The following ZBTB7C variants were observed in gnomAD, a reference collection of about 807,000 sequenced individuals.
The protein encoded by ZBTB7C is zinc finger and BTB domain-containing protein 7C.
ZBTB7C carries 8 observed loss-of-function variants against 25.7 expected under a neutral mutation model. The ratio of observed to expected loss-of-function variants is 0.31; its 90% CI spans 0.18 to 0.56. ZBTB7C has a LOEUF of 0.56. Ranked by LOEUF, ZBTB7C falls within the 20% of genes least tolerant of loss-of-function variation. The pLI, the probability that ZBTB7C is intolerant of heterozygous loss-of-function variation, is 0.91. For missense variants in ZBTB7C, 824 were observed against 855.2 expected, an observed-to-expected ratio of 0.96 and a Z score of 0.46; for synonymous variants, 394 against 369.0, an observed-to-expected ratio of 1.07 and a Z score of -0.78.
At chr18:48,254,606 T>A (rs1477421076) in intron 2 of ZBTB7C, among the ~76,000 whole-genome samples, 1 of 152,216 alleles carries the variant, frequency 6.6e-6, no homozygotes, top group African/African-American at 2.4e-5. Flanking sequence ...TGTGTGTCCA[T>A]GTCATTAATC....
intron 4 of ZBTB7C, among the ~76,000 whole-genome samples, chr18:48,034,711 A>C (rs188241125): frequency 6.6e-6 from 1 of 152,028 alleles, no homozygotes; most frequent in South Asian, 2.1e-4. Flanking sequence ...CAAATCCAAC[A>C]TGCTCCCCTC....
intron 1 of ZBTB7C, among the ~76,000 whole-genome samples, chr18:48,351,271 G>A (rs148549324): frequency 3.3e-3 from 504 of 152,210 alleles, no homozygotes; most frequent in Non-Finnish European, 5.5e-3. Context: ...ATGAACCCAG[G>A]AAGCCCTTGA....
chr18:48,342,086 C>T lies in ZBTB7C; in HGVS notation c.-303-3688G>A, dbSNP rs569205281. Among the ~76,000 whole-genome samples, 18 of 152,354 alleles carry T rather than the reference C, an allele frequency of 1.2e-4. No homozygotes were observed. In the East Asian group the frequency reaches 3.5e-3, roughly 29 times the overall value. ...GGAGCTGGGACCCCTCCCCCGACATCATATTTCCCAGTCTAAGCCTTGTGA... is the reference window on the plus strand; with the variant it reads ...GGAGCTGGGACCCCTCCCCCGACATTATATTTCCCAGTCTAAGCCTTGTGA... On this transcript the variant is annotated intron_variant, in intron 1 of 4. Coordinates refer to ENST00000590800, the MANE Select transcript of ZBTB7C (RefSeq NM_001318841.2).
intron 1 of ZBTB7C, among the ~76,000 whole-genome samples, chr18:48,374,027 T>C (rs1056095133): frequency 1.3e-5 from 2 of 151,610 alleles, no homozygotes; most frequent in African/African-American, 4.8e-5. Context: ...GTTCTCACCA[T>C]GTGAAAAGTG....
chr18:48,370,219 T>C (rs907909951), intron 1 of ZBTB7C, among the ~76,000 whole-genome samples: 1 of 152,058 alleles, frequency 6.6e-6, no homozygotes, highest in Non-Finnish European at 1.5e-5. Context: ...CTACATACCA[T>C]GGAATACTAC....
chr18:48,215,972 G>T (rs2042813749), intron 2 of ZBTB7C, among the ~76,000 whole-genome samples: 1 of 152,170 alleles, frequency 6.6e-6, no homozygotes, highest in African/African-American at 2.4e-5. Context: ...AGTTTGTCTT[G>T]TCAGTCTTAA....
intron 3 of ZBTB7C, among the ~76,000 whole-genome samples, chr18:48,162,775 G>A (rs774805205): frequency 6.6e-6 from 1 of 152,202 alleles, no homozygotes; most frequent in South Asian, 2.1e-4. Context: ...TAATGTACAG[G>A]GAGTGCCCAG....
intron 4 of ZBTB7C, among the ~76,000 whole-genome samples, chr18:48,030,602 GTAT>G (rs1157133866): frequency 6.6e-6 from 1 of 152,218 alleles, no homozygotes; most frequent in Non-Finnish European, 1.5e-5. Flanking sequence ...GGTTTAAGTG[GTAT>G]TATTCACAGG....
At chr18:48,164,520 C>T (rs1397939113) in intron 3 of ZBTB7C, among the ~76,000 whole-genome samples, 1 of 152,228 alleles carries the variant, frequency 6.6e-6, no homozygotes, top group African/African-American at 2.4e-5. Flanking sequence ...TTCTGTCTCC[C>T]TGTCTACCCA....
At chr18:48,289,770 A>G (rs2045166104) in intron 2 of ZBTB7C, among the ~76,000 whole-genome samples, 1 of 152,146 alleles carries the variant, frequency 6.6e-6, no homozygotes, top group South Asian at 2.1e-4. Flanking sequence ...GCGCCCAGGT[A>G]CATGTCTGAG....
At chr18:48,394,691 T>C (rs1335622590) in intron 1 of ZBTB7C, among the ~76,000 whole-genome samples, 1 of 152,166 alleles carries the variant, frequency 6.6e-6, no homozygotes, top group Admixed American at 6.5e-5. Context: ...ATTACAAGGC[T>C]AATACATTAG....
At chr18:48,255,694 A>G (rs75069085) in intron 2 of ZBTB7C, among the ~76,000 whole-genome samples, 7,626 of 152,294 alleles carry the variant, frequency 0.05, 232 homozygotes, top group Middle Eastern at 0.099. Flanking sequence ...CCTTCTGTCT[A>G]TAAAGCCAAC....
intron 3 of ZBTB7C, among the ~76,000 whole-genome samples, chr18:48,127,401 T>C (rs1222855430): frequency 6.6e-6 from 1 of 152,226 alleles, no homozygotes; most frequent in Admixed American, 6.5e-5. Context: ...TGCCTGATTC[T>C]ACAGAATCTT....
intron 1 of ZBTB7C, among the ~76,000 whole-genome samples, chr18:48,370,007 C>T (rs2047348780): frequency 6.6e-6 from 1 of 152,084 alleles, no homozygotes; most frequent in Non-Finnish European, 1.5e-5. Flanking sequence ...TAAAACAAAC[C>T]TCAACGAATT....
intron 1 of ZBTB7C, among the ~76,000 whole-genome samples, chr18:48,355,494 G>T (rs938895670): frequency 2.0e-5 from 3 of 152,202 alleles, no homozygotes; most frequent in Non-Finnish European, 4.4e-5. Context: ...CATAAAGCCT[G>T]CTCTCCTTCC....
At chr18:48,317,778 CA>C (rs2045985091) in intron 2 of ZBTB7C, among the ~76,000 whole-genome samples, 1 of 152,162 alleles carries the variant, frequency 6.6e-6, no homozygotes, top group Non-Finnish European at 1.5e-5. Context: ...TCCTGGCTAA[CA>C]AAAAGGATCA....
chr18:48,075,001 C>T (rs2037705958), intron 3 of ZBTB7C, among the ~76,000 whole-genome samples: 1 of 152,194 alleles, frequency 6.6e-6, no homozygotes, highest in Non-Finnish European at 1.5e-5. Flanking sequence ...ATTGAACTCA[C>T]ATCTTTGCCA....
chr18:48,354,325 T>G (rs372601316), intron 1 of ZBTB7C, among the ~76,000 whole-genome samples: 2 of 152,080 alleles, frequency 1.3e-5, no homozygotes, highest in African/African-American at 4.8e-5. Context: ...GTGTCCAGCT[T>G]TACAAATAGG....
intron 2 of ZBTB7C, among the ~76,000 whole-genome samples, chr18:48,287,941 G>A (rs1425825621): frequency 6.6e-6 from 1 of 152,186 alleles, no homozygotes. Context: ...TACTACTGCA[G>A]CTACTATGAA....
Sources: allele counts gnomAD v4.1 joint callset (sites outside exome capture counted in the v4.1 genomes callset), GRCh38; gene constraint gnomAD v4.1.1; transcripts MANE v1.5; gene names NCBI Gene and HGNC (gene_info 2026-07-23, HGNC 2026-07-21).